The following ZBED4 variants were observed in gnomAD, a reference collection of about 807,000 sequenced individuals.
ZBED4 encodes the protein zinc finger BED-type containing 4, also known as zinc finger BED domain-containing protein 4.
In ZBED4, 4 loss-of-function variants were observed where a neutral mutation model predicts 15.5. That is an observed-to-expected ratio of 0.26 (90% CI 0.13 to 0.59). The LOEUF is 0.59. ZBED4 is among the 20% of genes least tolerant of loss of function. ZBED4 has a pLI of 0.90. For missense variants in ZBED4, 1,323 were observed against 1,461.8 expected, an observed-to-expected ratio of 0.91 and a Z score of 1.55; for synonymous variants, 692 against 608.5, an observed-to-expected ratio of 1.14 and a Z score of -2.02.
rs970256202 is a variant in ZBED4, at chr22:49,889,638, A to T, written c.*2460A>T. The T allele has an allele frequency of 2.4e-5, 4 of 167,166 alleles. No homozygotes were observed. The highest frequency in any genetic ancestry group is 7.2e-5 in the African/African-American group (3 of 41,416). The allele number at this position is 167,166 out of a possible 1,614,324, so 10.4% of individuals were successfully genotyped here. On this transcript the variant is annotated 3_prime_UTR_variant, in exon 2 of 2. Transcript: ENST00000216268. The stretch of plus-strand genomic sequence containing the variant: ...CACTAGGAGAGTCATTTTATCTCAT[A>T]CATTCCCTTCATTTCGTTGGTGGAC...
intron 1 of ZBED4, among the ~76,000 whole-genome samples, chr22:49,879,867 GTTT>G (rs2060399133): frequency 3.5e-5 from 2 of 56,912 alleles, no homozygotes; most frequent in African/African-American, 1.1e-4. Flanking sequence ...CTATTGGTTG[GTTT>G]TTCTCCTGGT....
intron 1 of ZBED4, among the ~76,000 whole-genome samples, chr22:49,858,597 G>A (rs1225294579): frequency 1.3e-5 from 2 of 152,178 alleles, no homozygotes; most frequent in Non-Finnish European, 2.9e-5. Context: ...CACCTGGCAC[G>A]TGCTGAACTG....
At position 49,885,518 on chromosome 22, in the gene ZBED4, C is replaced by T. The variant is rs150596388; in HGVS notation, c.1856C>T (p.Thr619Met). 3.9e-5 allele frequency: 62 copies of T among 1,609,056 alleles called. No homozygotes were observed. In the African/African-American group the frequency reaches 4.0e-4, roughly 10 times the overall value. ...GTGCTGAAAACTGAGGTCTCGGAGA[C>T]GGCTCGGCCCTCCTCTCCGGACACC... Reference protein sequence around the residue: ...SNVLKTEVSETARPSSPDTRV... With the variant: ...SNVLKTEVSEMARPSSPDTRV... Residue 619 changes from threonine to methionine, a missense_variant, in exon 2 of 2, where the codon ACG becomes ATG. Transcript: ENST00000216268.
At chr22:49,878,537 CAGTT>C (rs1289215624) in intron 1 of ZBED4, among the ~76,000 whole-genome samples, 11 of 152,168 alleles carry the variant, frequency 7.2e-5, no homozygotes. Context: ...TGTGTTGGAA[CAGTT>C]AGACATCCAT....
chr22:49,886,003 G>T lies in ZBED4; in HGVS notation c.2341G>T (p.Gly781Cys). 1 of 691,668 alleles carries T rather than the reference G, an allele frequency of 1.4e-6. No individual in the cohort carries two copies. The highest frequency in any genetic ancestry group is 2.5e-4 in the Middle Eastern group (1 of 4,002). The allele number at this position is 691,668 out of a possible 1,614,324, so 42.8% of individuals were successfully genotyped here. A position where few individuals can be genotyped will look rare whatever the true frequency, so the allele number is the denominator to read the frequency against. Residue 781 changes from glycine to cysteine, a missense_variant, in exon 2 of 2, where the codon GGC becomes TGC. By Grantham distance (159) the Gly-to-Cys change is radical (BLOSUM62 -3). This residue lies in a region of ZBED4 where 100 missense variants were observed against 79.3 expected (regional missense o/e 1.26). Coordinates refer to ENST00000216268, the MANE Select transcript of ZBED4 (RefSeq NM_014838.3). This position sits in a 1 kb window ranked among gnomAD's most constrained non-coding sequence, Gnocchi z 7.7. ...DVSQVDCDYS[G>C]NSIQKQLECW... ...GTCGCAGGTGGACTGCGACTACAGT[G>T]GCAACAGCATTCAGAAGCAGCTGGA...
At chr22:49,882,127 G>C (rs2060412628) in intron 1 of ZBED4, among the ~76,000 whole-genome samples, 1 of 152,194 alleles carries the variant, frequency 6.6e-6, no homozygotes, top group Non-Finnish European at 1.5e-5. Flanking sequence ...GGAATGTCGG[G>C]TTCAGCTCCT....
intron 1 of ZBED4, among the ~76,000 whole-genome samples, chr22:49,862,740 C>T (rs531291804): frequency 5.8e-4 from 76 of 130,020 alleles, no homozygotes; most frequent in Admixed American, 1.3e-3. Flanking sequence ...CTTGCTCTGT[C>T]GCCCAGGCTG....
intron 1 of ZBED4, among the ~76,000 whole-genome samples, chr22:49,879,387 G>A (rs1469727491): frequency 3.3e-5 from 5 of 151,882 alleles, no homozygotes; most frequent in South Asian, 2.1e-4. Context: ...TCATCCTCCC[G>A]AAGTGCTGCG....
chr22:49,884,614 A>G lies in ZBED4; in HGVS notation c.952A>G (p.Asn318Asp). The G allele has an allele frequency of 6.2e-7, 1 of 1,612,738 alleles. No homozygotes were observed. The highest frequency in any genetic ancestry group is 2.2e-5 in the East Asian group (1 of 44,886). The part of the protein sequence containing the change: ...HCMNEFSRGK[N>D]GKDLGTSCLI... ...CATGAACGAGTTCAGCCGGGGGAAG[A>G]ATGGGAAGGACCTGGGCACGAGCTG... The change falls in exon 2 of 2, where the codon AAT becomes GAT. Residue 318 changes from asparagine to aspartate, a missense_variant. Coordinates refer to ENST00000216268, the MANE Select transcript of ZBED4 (RefSeq NM_014838.3).
chr22:49,880,230 C>T (rs570149289), intron 1 of ZBED4, among the ~76,000 whole-genome samples: 16 of 152,280 alleles, frequency 1.1e-4, no homozygotes, highest in South Asian at 8.3e-4. Flanking sequence ...ACCCTGCTTG[C>T]TGTTCACTCT....
At position 49,887,170 on chromosome 22, in the gene ZBED4, C is replaced by T. The variant is rs2060444697; in HGVS notation, c.3508C>T (p.Gln1170Ter). ...AGTGAATCTTCCCTTAATATACTTTCAGTATTGAAACTCACGACGGCACCA... is the reference window on the plus strand; with the variant it reads ...AGTGAATCTTCCCTTAATATACTTTTAGTATTGAAACTCACGACGGCACCA... ...LKVNLPLIYF[Q>*]Y The change falls in exon 2 of 2, where the codon CAG becomes TAG. Residue 1170 changes from glutamine (Q) to a stop codon, truncating the protein, a stop_gained. Coordinates refer to ENST00000216268, the MANE Select transcript of ZBED4 (RefSeq NM_014838.3). LOFTEE classifies it high-confidence loss of function. 6.2e-7 allele frequency: 1 copy of T among 1,609,208 alleles called. No homozygotes were observed. The highest frequency in any genetic ancestry group is 1.1e-5 in the South Asian group (1 of 90,678).
chr22:49,855,162 C>T (rs961314592), intron 1 of ZBED4, among the ~76,000 whole-genome samples: 4 of 152,172 alleles, frequency 2.6e-5, no homozygotes, highest in Non-Finnish European at 4.4e-5. Flanking sequence ...AGTCCTTAAA[C>T]GGATTATATC....
In ZBED4 at chr22:49,889,602, T is replaced by A. The variant is rs2060457802; in HGVS notation, c.*2424T>A. On this transcript the variant is annotated 3_prime_UTR_variant, in exon 2 of 2. Coordinates refer to ENST00000216268, the MANE Select transcript of ZBED4 (RefSeq NM_014838.3). Reference sequence around the variant, plus strand: ...CTTTACTCAACAGAAAATATGGCCCTTCCTGAATGACACTAGGAGAGTCAT... The same window carrying A: ...CTTTACTCAACAGAAAATATGGCCCATCCTGAATGACACTAGGAGAGTCAT... 6.0e-6 allele frequency: 1 copy of A among 167,226 alleles called. No individual in the cohort carries two copies. The highest frequency in any genetic ancestry group is 6.5e-5 in the Admixed American group (1 of 15,288). 10.4% of individuals were successfully genotyped at this position (167,226 alleles called of 1,614,324 possible).
intron 1 of ZBED4, among the ~76,000 whole-genome samples, chr22:49,867,727 A>G (rs2060328692): frequency 6.8e-6 from 1 of 147,524 alleles, no homozygotes; most frequent in Admixed American, 6.6e-5. Context: ...ATCTAATACC[A>G]TCTAGGCCTT....
chr22:49,860,361 TTAAA>T (rs1292962828), intron 1 of ZBED4, among the ~76,000 whole-genome samples: 2 of 152,206 alleles, frequency 1.3e-5, no homozygotes, highest in African/African-American at 4.8e-5. Context: ...TCTTTGATTC[TTAAA>T]TTATATGTTA....
chr22:49,859,638 C>G (rs1276379494), intron 1 of ZBED4, among the ~76,000 whole-genome samples: 1 of 152,236 alleles, frequency 6.6e-6, no homozygotes, highest in East Asian at 1.9e-4. Flanking sequence ...GCTTAATGCC[C>G]TGTTCGCGGA....
intron 1 of ZBED4, among the ~76,000 whole-genome samples, chr22:49,871,530 C>T (rs991065660): frequency 5.3e-5 from 8 of 151,940 alleles, no homozygotes; most frequent in Non-Finnish European, 8.8e-5. Context: ...GTCTGGTAAG[C>T]GTGCAATAGC....
Position 49,886,728 on chromosome 22 carries a change from G to A in ZBED4, c.3066G>A (p.Ala1022=), listed in dbSNP as rs749992757. ...CCTCCCTGTTTACGGAGGAGGAGGC[G>A]GAGCAGTACAAACAGGATTTAATCA... The part of the protein sequence containing the change: ...YKASLFTEEE[A]EQYKQDLIRE... Residue 1022 remains alanine (A), a synonymous_variant, in exon 2 of 2, where the codon GCG becomes GCA. Coordinates refer to ENST00000216268, the MANE Select transcript of ZBED4 (RefSeq NM_014838.3). The surrounding 1 kb of genome is among the most constrained non-coding windows in gnomAD (Gnocchi z 7.7). 1.9e-5 allele frequency: 30 copies of A among 1,613,178 alleles called. 1 individual carries two copies. The highest frequency in any genetic ancestry group is 8.3e-5 in the Admixed American group (5 of 59,920).
intron 1 of ZBED4, among the ~76,000 whole-genome samples, chr22:49,866,573 C>T (rs1650465754): frequency 6.6e-6 from 1 of 151,954 alleles, no homozygotes. Flanking sequence ...TATGTTGTTT[C>T]TTTATATCAT....
Sources: gnomAD v4.1 joint callset for allele counts (sites outside exome capture counted in the v4.1 genomes callset) on GRCh38, gnomAD v4.1.1 for gene constraint, gnomAD v4.1.1 regional missense constraint, Gnocchi (gnomAD v3.1) non-coding constraint, MANE v1.5 for transcripts, NCBI Gene and HGNC (gene_info 2026-07-23, HGNC 2026-07-21) for gene names.